The following SMARCA2 variants were observed in gnomAD, a reference collection of about 807,000 sequenced individuals.
The protein encoded by SMARCA2 is SWI/SNF-related matrix-associated actin-dependent regulator of chromatin subfamily A member 2.
In SMARCA2, 61 loss-of-function variants were observed where a neutral mutation model predicts 199.8. The observed-to-expected ratio is 0.31, with a 90% CI of 0.25 to 0.38. The LOEUF (loss-of-function observed/expected upper bound fraction) is 0.38, where lower values mean the gene tolerates loss of function less well. SMARCA2 is among the 10% of genes least tolerant of loss of function. The probability of loss-of-function intolerance (pLI) is 1.00; values close to 1 mark genes in which losing one functional copy is unlikely to be tolerated. For synonymous variants in SMARCA2, 935 were observed against 732.0 expected (o/e 1.28, Z -4.48); for missense variants, 1,344 against 2,012.2 (o/e 0.67, Z 6.35).
intron 10 of SMARCA2, among the ~76,000 whole-genome samples, chr9:2,071,850 T>G (rs1821102537): frequency 1.3e-5 from 2 of 152,226 alleles, no homozygotes; most frequent in Admixed American, 6.5e-5. Context: ...ATCTCTTGAG[T>G]ATATAGATGA....
chr9:2,053,773 T>C (rs1346359648), intron 5 of SMARCA2, among the ~76,000 whole-genome samples: 1 of 152,212 alleles, frequency 6.6e-6, no homozygotes, highest in Non-Finnish European at 1.5e-5. Flanking sequence ...AGGTGAACTC[T>C]AAAACCAGCA....
At chr9:2,055,675 A>G (rs1176202448) in intron 6 of SMARCA2, 1 of 152,242 alleles carries the variant, frequency 6.6e-6, no homozygotes, top group African/African-American at 2.4e-5. Context: ...GATGGACATT[A>G]GTGGTGGGTA....
At chr9:2,118,838 GTTT>G (rs370595524) in intron 25 of SMARCA2, among the ~76,000 whole-genome samples, 19 of 151,854 alleles carry the variant, frequency 1.3e-4, no homozygotes, top group African/African-American at 4.3e-4. Flanking sequence ...TAATTTTGAG[GTTT>G]TTTTTGTTAC....
At chr9:2,082,734 A>T (rs1019275602) in intron 15 of SMARCA2, among the ~76,000 whole-genome samples, 5 of 152,260 alleles carry the variant, frequency 3.3e-5, no homozygotes, top group African/African-American at 1.2e-4. Context: ...TTCAGTAAGA[A>T]GAAGGATTCT....
chr9:2,181,779 C>T (rs1354462657), intron 30 of SMARCA2, 103 bp downstream of exon 30: 10 of 688,664 alleles, frequency 1.5e-5, no homozygotes, highest in Non-Finnish European at 2.4e-5. Context: ...GATGGGTACC[C>T]AGGGCTCGCG....
chr9:2,109,200 A>C (rs1822883511), intron 23 of SMARCA2, among the ~76,000 whole-genome samples: 3 of 152,222 alleles, frequency 2.0e-5, no homozygotes, highest in Non-Finnish European at 4.4e-5. Context: ...GCATGTAGGA[A>C]TAATATTTGA....
rs141398164 is a variant in SMARCA2, at chr9:2,189,110, A to G, written c.4595-2156A>G. The stretch of plus-strand genomic sequence containing the variant: ...TCCCCATCTCAGGGTCAGACAATTA[A>G]CAGTCTAAAATTCCTTTTGCCATGT... On this transcript the variant is annotated intron_variant, in intron 32 of 33. Coordinates refer to ENST00000349721, the MANE Select transcript of SMARCA2 (RefSeq NM_003070.5). 2.5e-3 allele frequency among the ~76,000 whole-genome samples: 380 copies of G among 152,348 alleles called. 1 individual carries two copies. Among genetic ancestry groups the G allele is most frequent in the Non-Finnish European group, 3.9e-3 (263 of 68,026 alleles).
In SMARCA2 at chr9:2,169,581, A is replaced by G. The variant is rs905054963; in HGVS notation, c.4200-838A>G. ...AACACCCCGACCCCACACTGACTCT[A>G]GAGCAGAATGGGGCAGTGACTCCGA... On this transcript the variant is annotated intron_variant, in intron 28 of 33. Transcript: ENST00000349721. The surrounding 1 kb of genome is among the most constrained non-coding windows in gnomAD (Gnocchi z 6.5). 2.0e-5 allele frequency among the ~76,000 whole-genome samples: 3 copies of G among 152,116 alleles called. No individual in the cohort carries two copies. The highest frequency in any genetic ancestry group is 6.5e-5 in the Admixed American group (1 of 15,274).
intron 14 of SMARCA2, chr9:2,079,936 CCT>C (rs1366436235): frequency 6.6e-6 from 1 of 152,278 alleles, no homozygotes; most frequent in Non-Finnish European, 1.5e-5. Flanking sequence ...GAGTTTTATG[CCT>C]CTGTGTTGCT....
chr9:2,175,711 T>TTCAA (rs1361752131), intron 29 of SMARCA2, among the ~76,000 whole-genome samples: 5 of 152,242 alleles, frequency 3.3e-5, no homozygotes, highest in Admixed American at 6.5e-5. Context: ...CTAAATTACA[T>TTCAA]TCAATCATAA....
At chr9:2,137,543 C>G (rs1176844464) in intron 27 of SMARCA2, among the ~76,000 whole-genome samples, 1 of 152,192 alleles carries the variant, frequency 6.6e-6, no homozygotes, top group Non-Finnish European at 1.5e-5. Flanking sequence ...CCAATGATCT[C>G]CTTCCAGAGA....
rs372219258 is a variant in SMARCA2 at position 2,123,974 on chromosome 9, G to C, written c.3981+37G>C. 2 of 1,521,318 alleles carry C rather than the reference G, an allele frequency of 1.3e-6. No homozygotes were observed. The highest frequency in any genetic ancestry group is 2.4e-5 in the East Asian group (1 of 40,820). 94.2% of individuals were successfully genotyped at this position (1,521,318 alleles called of 1,614,324 possible). A position where few individuals can be genotyped will look rare whatever the true frequency, so the allele number is the denominator to read the frequency against. ...TTTTCTAACCCGCTCTCACTAGGTG[G>C]AGGGTTTTTGGTGGCTTGGAGAAAC... On this transcript the variant is annotated intron_variant, in intron 27 of 33. Transcript: ENST00000349721. This position sits in a 1 kb window ranked among gnomAD's most constrained non-coding sequence, Gnocchi z 4.1.
rs116324054 is a variant in SMARCA2 at position 2,072,247 on chromosome 9, A to G, written c.1747-965A>G. ...TCAATTTTATCACTTTTCAGGAAAT[A>G]GATAACTTGAACCACTCACAGACCA... On this transcript the variant is annotated intron_variant, in intron 10 of 33. Transcript: ENST00000349721. 2.3e-3 allele frequency among the ~76,000 whole-genome samples: 351 copies of G among 152,366 alleles called. 1 individual carries two copies. The highest frequency in any genetic ancestry group is 8.1e-3 in the African/African-American group (335 of 41,596).
At position 2,138,890 on chromosome 9, in the gene SMARCA2, A is replaced by T. The variant is rs192315440; in HGVS notation, c.3981+14953A>T. 6.6e-4 allele frequency among the ~76,000 whole-genome samples: 100 copies of T among 152,158 alleles called. 1 individual carries two copies. Among genetic ancestry groups the T allele is most frequent in the African/African-American group, 2.2e-3 (90 of 41,492 alleles). Reference sequence around the variant, plus strand: ...ACTCAGCTCTTAGGAACTGAAACTCAGAGGGGTGTGGGTGAGAGATTTTTC... The same window carrying T: ...ACTCAGCTCTTAGGAACTGAAACTCTGAGGGGTGTGGGTGAGAGATTTTTC... On this transcript the variant is annotated intron_variant, in intron 27 of 33. Transcript: ENST00000349721.
rs769617219 is a variant in SMARCA2, at chr9:2,056,705, G to T, written c.1207G>T (p.Asp403Tyr). The part of the protein sequence containing the change: ...RQEVVACMRR[D>Y]TTLETALNSK... Reference sequence around the variant, plus strand: ...GGAGGTGGTGGCCTGCATGCGCAGGGACACGACCCTGGAGACGGCTCTCAA... The same window carrying T: ...GGAGGTGGTGGCCTGCATGCGCAGGTACACGACCCTGGAGACGGCTCTCAA... The change falls in exon 7 of 34, where the codon GAC becomes TAC. Residue 403 changes from aspartate to tyrosine, a missense_variant. Physicochemically the swap from Asp to Tyr is radical, Grantham distance 160. Coordinates refer to ENST00000349721, the MANE Select transcript of SMARCA2 (RefSeq NM_003070.5). The surrounding 1 kb of genome is among the most constrained non-coding windows in gnomAD (Gnocchi z 4.0). 6.2e-7 allele frequency: 1 copy of T among 1,614,128 alleles called. No individual in the cohort carries two copies. The highest frequency in any genetic ancestry group is 2.2e-5 in the East Asian group (1 of 44,878).
At chr9:2,052,158 A>G (rs1033214728) in intron 5 of SMARCA2, among the ~76,000 whole-genome samples, 2 of 152,356 alleles carry the variant, frequency 1.3e-5, no homozygotes, top group Non-Finnish European at 1.5e-5. Flanking sequence ...TAAAAATGCT[A>G]TTGTTTGTGT....
At chr9:2,094,972 A>G (rs1421959492) in intron 19 of SMARCA2, among the ~76,000 whole-genome samples, 1 of 152,210 alleles carries the variant, frequency 6.6e-6, no homozygotes, top group Non-Finnish European at 1.5e-5. Flanking sequence ...GTTTATGTAT[A>G]TCAAAATCTC....
At chr9:2,082,852 T>C (rs1397091402) in intron 15 of SMARCA2, among the ~76,000 whole-genome samples, 1 of 152,234 alleles carries the variant, frequency 6.6e-6, no homozygotes, top group African/African-American at 2.4e-5. Context: ...TTGCATTTGA[T>C]CTATATTTTG....
At chr9:2,060,514 G>A (rs1424979692) in intron 8 of SMARCA2, among the ~76,000 whole-genome samples, 4 of 152,180 alleles carry the variant, frequency 2.6e-5, no homozygotes, top group Admixed American at 2.0e-4. Flanking sequence ...AAATCTTTTT[G>A]TACAGTTAAA....
Sources: allele counts gnomAD v4.1 joint callset (sites outside exome capture counted in the v4.1 genomes callset), GRCh38; gene constraint gnomAD v4.1.1; non-coding constraint Gnocchi (gnomAD v3.1); transcripts MANE v1.5; gene names NCBI Gene and HGNC (gene_info 2026-07-23, HGNC 2026-07-21).